Variants in OR3A2 observed in about 807,000 individuals in gnomAD.
OR3A2 encodes olfactory receptor 3A2.
For synonymous variants in OR3A2, 126 were observed against 159.3 expected (o/e 0.79, Z 1.57); for missense variants, 318 against 392.8 (o/e 0.81, Z 1.61).
intron 1 of OR3A2, among the ~76,000 whole-genome samples, chr17:3,282,800 G>A (rs2048785533): frequency 6.6e-6 from 1 of 152,068 alleles, no homozygotes; most frequent in Non-Finnish European, 1.5e-5. Flanking sequence ...CCTTTTTCCT[G>A]TCAGGTCCAT....
Position 3,327,690 on chromosome 17 carries a change from G to T in OR3A2, c.-85+8343C>A, listed in dbSNP as rs201886036. Among the ~76,000 whole-genome samples, 4 of 123,642 alleles carry T rather than the reference G, an allele frequency of 3.2e-5. No individual in the cohort carries two copies. In the East Asian group the frequency reaches 9.1e-4, roughly 28 times the overall value. The allele number at this position is 123,642 out of a possible 152,430, so 81.1% of individuals were successfully genotyped here. ...TCTTCTACGGTTTTTATGGTTTTAG[G>T]TCTAACGTTTAAGTCTTTAATCCAT... On this transcript the variant is annotated intron_variant, in intron 3 of 4. Transcript: ENST00000573491.
At chr17:3,383,171 A>C (rs1273370442) in intron 2 of OR3A2, among the ~76,000 whole-genome samples, 3 of 152,228 alleles carry the variant, frequency 2.0e-5, no homozygotes, top group Non-Finnish European at 4.4e-5. Context: ...AAAGCTGCAG[A>C]GAAAGCAGGC....
At chr17:3,383,119 A>G (rs894005206) in intron 2 of OR3A2, among the ~76,000 whole-genome samples, 3 of 152,200 alleles carry the variant, frequency 2.0e-5, no homozygotes, top group African/African-American at 7.2e-5. Context: ...GTTTGGGTTG[A>G]AGAAAAGAAT....
intron 3 of OR3A2, among the ~76,000 whole-genome samples, chr17:3,303,359 T>C (rs1331144762): frequency 1.3e-5 from 2 of 152,158 alleles, no homozygotes; most frequent in Non-Finnish European, 2.9e-5. Flanking sequence ...ACTCATCATA[T>C]GACAATGATT....
chr17:3,296,540 T>A (rs2048919699), intron 3 of OR3A2, among the ~76,000 whole-genome samples: 1 of 152,130 alleles, frequency 6.6e-6, no homozygotes, highest in Non-Finnish European at 1.5e-5. Flanking sequence ...CTTGTTAAAT[T>A]TTTTATTAAT....
At position 3,357,965 on chromosome 17, in the gene OR3A2, G is replaced by T. The variant is rs2049476918; in HGVS notation, c.-178-21839C>A. ...CTTGCCTGGCAGAGATCAGAGTGGG[G>T]GTCAGGTTCAGAGAGGCCACTTAAT... On this transcript the variant is annotated intron_variant, in intron 2 of 4. Transcript: ENST00000573491. 2.0e-5 allele frequency among the ~76,000 whole-genome samples: 3 copies of T among 151,502 alleles called. 1 individual carries two copies. The South Asian group carries it at 6.2e-4, about 31-fold the overall frequency.
At chr17:3,301,188 A>G (rs934033359) in intron 3 of OR3A2, among the ~76,000 whole-genome samples, 6 of 152,158 alleles carry the variant, frequency 3.9e-5, no homozygotes, top group African/African-American at 1.2e-4. Flanking sequence ...ATGATTTATA[A>G]TCCTTTGGGT....
intron 3 of OR3A2, chr17:3,291,886 A>G: frequency 3.1e-6 from 5 of 1,614,232 alleles, no homozygotes; most frequent in Non-Finnish European, 4.2e-6. Context: ...CCCTCTACAG[A>G]GCGAATTCGC....
chr17:3,338,145 A>C (rs1413608247), intron 2 of OR3A2, among the ~76,000 whole-genome samples: 1 of 152,008 alleles, frequency 6.6e-6, no homozygotes, highest in Admixed American at 6.6e-5. Flanking sequence ...AACTTTGTTT[A>C]AGTTCTTTGT....
chr17:3,376,710 C>A (rs1320563464), intron 2 of OR3A2, among the ~76,000 whole-genome samples: 2 of 152,132 alleles, frequency 1.3e-5, no homozygotes, highest in Non-Finnish European at 2.9e-5. Flanking sequence ...AGCCTCCCCA[C>A]TGAGAAAGCA....
At chr17:3,312,694 G>GCA (rs2049053900) in intron 3 of OR3A2, among the ~76,000 whole-genome samples, 1 of 152,210 alleles carries the variant, frequency 6.6e-6, no homozygotes, top group Non-Finnish European at 1.5e-5. Context: ...GCACGATCTT[G>GCA]GCTCACTGCA....
chr17:3,292,322 A>AC (rs757980013), intron 3 of OR3A2: 1 of 1,614,090 alleles, frequency 6.2e-7, no homozygotes, highest in Non-Finnish European at 8.5e-7. Flanking sequence ...GGGACAGGAG[A>AC]CGACTCAACA....
chr17:3,351,018 T>A (rs1251718095), intron 2 of OR3A2, among the ~76,000 whole-genome samples: 19 of 151,988 alleles, frequency 1.3e-4, no homozygotes, highest in Non-Finnish European at 7.4e-5. Flanking sequence ...AAATTAGGTA[T>A]TGGTGGGACG....
intron 3 of OR3A2, among the ~76,000 whole-genome samples, chr17:3,300,214 C>T (rs1249711510): frequency 6.6e-6 from 1 of 151,988 alleles, no homozygotes; most frequent in South Asian, 2.1e-4. Context: ...GCCCTCAAGA[C>T]TCTGACTTTT....
chr17:3,335,481 C>T (rs1001146226), intron 3 of OR3A2, among the ~76,000 whole-genome samples: 9 of 152,032 alleles, frequency 5.9e-5, no homozygotes, highest in Non-Finnish European at 1.3e-4. Context: ...CCTGCCCCAC[C>T]CCTACTGATT....
rs2049150345 is a variant in OR3A2, at chr17:3,324,118, T to C, written c.-85+11915A>G. ...TTCCTTTCATTCATTTCATCTTCCA[T>C]CACTGATACCCTTTCTTCCAGTTGA... On this transcript the variant is annotated intron_variant, in intron 3 of 4. Transcript: ENST00000573491. Among the ~76,000 whole-genome samples the C allele has an allele frequency of 3.3e-5, 5 of 152,112 alleles. No individual in the cohort carries two copies. The South Asian group carries it at 1.0e-3, about 31-fold the overall frequency.
chr17:3,384,622 C>T (rs1022026396), intron 1 of OR3A2, among the ~76,000 whole-genome samples: 5 of 152,126 alleles, frequency 3.3e-5, no homozygotes, highest in Non-Finnish European at 5.9e-5. Context: ...ATTAAACATG[C>T]TGCAAGCTAC....
intron 3 of OR3A2, among the ~76,000 whole-genome samples, chr17:3,328,767 AG>A (rs2150640563): frequency 7.3e-6 from 1 of 136,820 alleles, no homozygotes; most frequent in East Asian, 2.1e-4. Flanking sequence ...TTTAGCATGA[AG>A]GGTTGTTGAA....
chr17:3,302,191 G>T (rs1880281905), intron 3 of OR3A2, among the ~76,000 whole-genome samples: 1 of 152,092 alleles, frequency 6.6e-6, no homozygotes, highest in African/African-American at 2.4e-5. Flanking sequence ...TAGATTCAAT[G>T]CCATCCCCAT....
Sources: allele counts gnomAD v4.1 joint callset (sites outside exome capture counted in the v4.1 genomes callset), GRCh38; gene constraint gnomAD v4.1.1; transcripts MANE v1.5; gene names NCBI Gene and HGNC (gene_info 2026-07-23, HGNC 2026-07-21).